KIT: variants seen among roughly 807,000 people sequenced by gnomAD.
The protein encoded by KIT is KIT proto-oncogene, receptor tyrosine kinase.
A neutral mutation model predicts 105.7 loss-of-function variants in KIT; 16 were observed. The ratio of observed to expected loss-of-function variants is 0.15; its 90% confidence interval spans 0.10 to 0.23. The LOEUF is 0.23. Among genes scored for constraint, KIT ranks in the 10% least tolerant of loss-of-function variants. The pLI, the probability that KIT is intolerant of heterozygous loss-of-function variation, is 1.00. For missense variants in KIT, 858 were observed against 1,213.8 expected, an observed-to-expected ratio of 0.71 and a Z score of 4.36; for synonymous variants, 438 against 441.1, an observed-to-expected ratio of 0.99 and a Z score of 0.09.
Position 54,731,987 on chromosome 4 carries a change from G to A in KIT, c.2350G>A (p.Ala784Thr), listed in dbSNP as rs1309976246. ...GGTGGCAAAGGGCATGGCTTTCCTC[G>A]CCTCCAAGAATGTAAGTGGGAGTGA... ...YQVAKGMAFL[A>T]SKNCIHRDLA... is the part of the protein sequence containing the mutation. The change falls in exon 16 of 21, where the codon GCC becomes ACC. Residue 784 changes from alanine to threonine, a missense_variant. By Grantham distance (58) the Ala-to-Thr change is moderately conservative. This residue lies in a region of KIT where 158 missense variants were observed against 218.7 expected (regional missense o/e 0.72). Transcript: ENST00000288135. 5.6e-6 allele frequency: 9 copies of A among 1,612,376 alleles called. No individual in the cohort carries two copies. Among genetic ancestry groups the A allele is most frequent in the African/African-American group, 2.7e-5 (2 of 74,552 alleles).
intron 1 of KIT, among the ~76,000 whole-genome samples, chr4:54,691,320 T>G (rs1180816164): frequency 6.6e-6 from 1 of 152,194 alleles, no homozygotes; most frequent in Non-Finnish European, 1.5e-5. Flanking sequence ...GTAGGAGATA[T>G]GGACACAGTT....
intron 7 of KIT, among the ~76,000 whole-genome samples, chr4:54,715,723 A>G (rs1216710322): frequency 6.6e-6 from 1 of 152,172 alleles, no homozygotes; most frequent in Admixed American, 6.5e-5. Context: ...TCAGTTTTTA[A>G]ACATGAGATT....
intron 1 of KIT, among the ~76,000 whole-genome samples, chr4:54,690,816 CTT>C (rs1377831612): frequency 6.6e-6 from 1 of 152,046 alleles, no homozygotes; most frequent in Admixed American, 6.6e-5. Context: ...TTAAAAAAAA[CTT>C]TGTTTTTCAA....
rs139702771 is a variant in KIT, at chr4:54,682,750, G to GTTT, written c.68-12747_68-12745dup. Among the ~76,000 whole-genome samples, 254 of 134,118 alleles carry GTTT rather than the reference G, an allele frequency of 1.9e-3. 2 individuals carry two copies. The highest frequency in any genetic ancestry group is 6.3e-3 in the African/African-American group (239 of 38,078). The allele number at this position is 134,118 out of a possible 152,430, so 88.0% of individuals were successfully genotyped here. ...CGGCCGATATTTCTTTGTCTTGACC[G>GTTT]TTTTTTTTTTTTTTTTTAGAAGACA... On this transcript the variant is annotated intron_variant, in intron 1 of 20. Coordinates refer to ENST00000288135, the MANE Select transcript of KIT (RefSeq NM_000222.3).
chr4:54,692,632 A>G (rs1030936564), intron 1 of KIT, among the ~76,000 whole-genome samples: 3 of 152,210 alleles, frequency 2.0e-5, no homozygotes, highest in African/African-American at 4.8e-5. Context: ...CTTTTTTAAA[A>G]GGAATAAATA....
At chr4:54,705,929 G>T (rs546173830) in intron 5 of KIT, among the ~76,000 whole-genome samples, 2 of 152,208 alleles carry the variant, frequency 1.3e-5, no homozygotes, top group East Asian at 3.9e-4. Flanking sequence ...TAAGTAAAAG[G>T]TATGCTAAAG....
intron 20 of KIT, 44 bp downstream of exon 20, chr4:54,737,324 TC>T (rs1722980602): frequency 1.6e-6 from 2 of 1,233,068 alleles, no homozygotes; most frequent in African/African-American, 1.5e-5. Flanking sequence ...TTCTCCCAGT[TC>T]CAGGTGTGTC....
intron 16 of KIT, among the ~76,000 whole-genome samples, chr4:54,732,654 T>C (rs559483207): frequency 1.3e-5 from 2 of 152,278 alleles, no homozygotes; most frequent in Admixed American, 6.5e-5. Context: ...ATAAGATGGC[T>C]GAAATAAAGA....
At chr4:54,688,303 A>G (rs1261439754) in intron 1 of KIT, among the ~76,000 whole-genome samples, 1 of 152,210 alleles carries the variant, frequency 6.6e-6, no homozygotes, top group Non-Finnish European at 1.5e-5. Flanking sequence ...ATAATATACA[A>G]ATCATTAGCT....
Position 54,678,290 on chromosome 4 carries a change from CTCCTTCCTTCCTTCCT to C in KIT, c.68-17174_68-17159del, listed in dbSNP as rs55800200. On this transcript the variant is annotated intron_variant, in intron 1 of 20. Transcript: ENST00000288135. ...TTCAATGCATTCCATGGCTGGCTCG[CTCCTTCCTTCCTTCCT>C]TCCTTCCTTCCTTCCTTCCTTCCTT... is the stretch of plus-strand genomic sequence containing the variant. 8.5e-3 allele frequency among the ~76,000 whole-genome samples: 864 copies of C among 101,614 alleles called. 22 individuals carry two copies. The highest frequency in any genetic ancestry group is 0.023 in the African/African-American group (497 of 21,862). 66.7% of individuals were successfully genotyped at this position (101,614 alleles called of 152,430 possible).
intron 1 of KIT, among the ~76,000 whole-genome samples, chr4:54,658,985 C>T (rs1717031311): frequency 2.0e-5 from 3 of 152,168 alleles, no homozygotes; most frequent in African/African-American, 7.2e-5. Context: ...TCCCTGACTC[C>T]AACCGCCTAG....
chr4:54,675,963 T>C lies in KIT; in HGVS notation c.67+17882T>C, dbSNP rs536882351. Among the ~76,000 whole-genome samples, 9 of 152,242 alleles carry C rather than the reference T, an allele frequency of 5.9e-5. No individual in the cohort carries two copies. In the South Asian group the frequency reaches 1.9e-3, roughly 32 times the overall value. On this transcript the variant is annotated intron_variant, in intron 1 of 20. Transcript: ENST00000288135. ...CTGCAACATTTCCCACTTCTAAAGCTTGGGGATTCGAGAAATCTGTGCCCG... is the reference window on the plus strand; with the variant it reads ...CTGCAACATTTCCCACTTCTAAAGCCTGGGGATTCGAGAAATCTGTGCCCG...
intron 1 of KIT, among the ~76,000 whole-genome samples, chr4:54,692,379 G>A (rs548244192): frequency 6.6e-6 from 1 of 152,278 alleles, no homozygotes; most frequent in Admixed American, 6.5e-5. Flanking sequence ...CATTTTCCAG[G>A]TGTGGAAACT....
intron 1 of KIT, among the ~76,000 whole-genome samples, chr4:54,678,455 A>G (rs749962630): frequency 1.3e-5 from 2 of 150,414 alleles, no homozygotes; most frequent in East Asian, 4.0e-4. Flanking sequence ...TGTCAAGTGC[A>G]GTAATTATAG....
Position 54,739,126 on chromosome 4 carries a change from T to G in KIT, c.*569T>G. 1 of 372,136 alleles carries G rather than the reference T, an allele frequency of 2.7e-6. No individual in the cohort carries two copies. Among genetic ancestry groups the G allele is most frequent in the Non-Finnish European group, 4.8e-6 (1 of 208,394 alleles). The allele number at this position is 372,136 out of a possible 1,614,324, so 23.1% of individuals were successfully genotyped here. A position where few individuals can be genotyped will look rare whatever the true frequency, so the allele number is the denominator to read the frequency against. The stretch of plus-strand genomic sequence containing the variant: ...AGTGTGAACAAAAGATGCTCTTCTG[T>G]GGACCACTGCATGAGCTTTTATACT... On this transcript the variant is annotated 3_prime_UTR_variant, in exon 21 of 21. Coordinates refer to ENST00000288135, the MANE Select transcript of KIT (RefSeq NM_000222.3).
chr4:54,717,326 C>G (rs553359630), intron 7 of KIT, among the ~76,000 whole-genome samples: 34 of 152,302 alleles, frequency 2.2e-4, no homozygotes, highest in Non-Finnish European at 4.4e-4. Flanking sequence ...TACTCTTCCT[C>G]CCTATCTCAT....
At chr4:54,673,165 C>T (rs949634651) in intron 1 of KIT, among the ~76,000 whole-genome samples, 10 of 152,166 alleles carry the variant, frequency 6.6e-5, no homozygotes, top group Admixed American at 5.9e-4. Flanking sequence ...ACACAATGTG[C>T]TCGCTGCTTT....
chr4:54,703,495 G>A (rs377548019), intron 4 of KIT, among the ~76,000 whole-genome samples: 22 of 151,976 alleles, frequency 1.4e-4, no homozygotes, highest in Non-Finnish European at 2.1e-4. Context: ...ATGAATTTTC[G>A]TTTTTTTCCC....
intron 1 of KIT, among the ~76,000 whole-genome samples, chr4:54,687,286 A>C (rs756008629): frequency 6.6e-6 from 1 of 152,088 alleles, no homozygotes; most frequent in Non-Finnish European, 1.5e-5. Context: ...AAAAATGCAG[A>C]AATTAGCCGG....
Sources: gnomAD v4.1 joint callset for allele counts (sites outside exome capture counted in the v4.1 genomes callset) on GRCh38, gnomAD v4.1.1 for gene constraint, gnomAD v4.1.1 regional missense constraint, MANE v1.5 for transcripts, NCBI Gene and HGNC (gene_info 2026-07-23, HGNC 2026-07-21) for gene names.